Variants in TRMT11 observed in about 807,000 individuals in gnomAD.
TRMT11 encodes tRNA (guanine(10)-N(2))-methyltransferase TRMT11.
A neutral mutation model predicts 62.8 loss-of-function variants in TRMT11; 53 were observed. That is an observed-to-expected ratio of 0.84 (90% confidence interval 0.68 to 1.06). The LOEUF is 1.06. Among genes scored for constraint, TRMT11 ranks in the 50% least tolerant of loss-of-function variants. TRMT11 has a pLI of 0.00. For missense variants in TRMT11, 556 were observed against 553.4 expected (o/e 1.00, Z -0.05); for synonymous variants, 188 against 190.3 (o/e 0.99, Z 0.10).
At chr6:126,239,945 C>T in the TRMT11 span, among the ~76,000 whole-genome samples, 254 of 152,202 alleles carry the variant, frequency 1.7e-3, 1 homozygote, top group African/African-American at 5.8e-3. Context: ...CTTCTTGCTT[C>T]ATTTCATTCA....
intron 11 of TRMT11, among the ~76,000 whole-genome samples, chr6:126,016,328 A>G (rs919550478): frequency 2.0e-5 from 3 of 152,124 alleles, no homozygotes; most frequent in Non-Finnish European, 4.4e-5. Flanking sequence ...TTGTTGCTCA[A>G]ATTGTCCCAG....
chr6:126,070,978 A>G (rs1193852457), intron 17 of TRMT11, among the ~76,000 whole-genome samples: 1 of 152,190 alleles, frequency 6.6e-6, no homozygotes, highest in African/African-American at 2.4e-5. Flanking sequence ...GGAGAATGAA[A>G]GAAAAGGTCA....
At chr6:126,243,870 C>T in the TRMT11 span, among the ~76,000 whole-genome samples, 8 of 151,874 alleles carry the variant, frequency 5.3e-5, no homozygotes, top group Admixed American at 5.2e-4. Context: ...CAACATGGCA[C>T]ATGTATACAT....
At chr6:126,062,696 C>CTTAG (rs111684262) in intron 17 of TRMT11, among the ~76,000 whole-genome samples, 17,653 of 152,030 alleles carry the variant, frequency 0.12, 3,301 homozygotes, top group African/African-American at 0.4. Context: ...AAAGATATTA[C>CTTAG]TTGACAGGTT....
At chr6:126,027,791 A>G (rs902385783) in intron 12 of TRMT11, among the ~76,000 whole-genome samples, 3 of 152,208 alleles carry the variant, frequency 2.0e-5, no homozygotes, top group Non-Finnish European at 4.4e-5. Flanking sequence ...ATTAATCATA[A>G]TGGAGTGTGG....
At chr6:126,206,490 CTGT>C (rs1200532364), downstream of TRMT11, among the ~76,000 whole-genome samples, 1 of 152,200 alleles carries the variant, frequency 6.6e-6, no homozygotes, top group East Asian at 1.9e-4. Flanking sequence ...AGCACAAGCA[CTGT>C]TTAGTTATCT....
chr6:126,093,585 GTATATATATATATATATATA>G (rs56176946), intron 17 of TRMT11, among the ~76,000 whole-genome samples: 1,751 of 46,704 alleles, frequency 0.037, 138 homozygotes, highest in Non-Finnish European at 0.049. Flanking sequence ...GGATATGTAT[GTATATATATATATATATATA>G]TATATATATA....
chr6:126,265,066 T>G, the TRMT11 span, among the ~76,000 whole-genome samples: 2 of 152,156 alleles, frequency 1.3e-5, no homozygotes, highest in African/African-American at 4.8e-5. Context: ...GCTTACTGAG[T>G]TGTAATTCAA....
intron 17 of TRMT11, among the ~76,000 whole-genome samples, chr6:126,076,433 T>C (rs1388621777): frequency 2.6e-5 from 4 of 152,198 alleles, no homozygotes. Flanking sequence ...AGAGATAATT[T>C]GGATGGCATT....
intron 1 of TRMT11, among the ~76,000 whole-genome samples, chr6:125,990,381 G>A (rs931669007): frequency 2.3e-4 from 35 of 152,312 alleles, no homozygotes; most frequent in African/African-American, 7.7e-4. Flanking sequence ...CTCACAGAGT[G>A]TAGCTTTTTG....
chr6:126,166,719 C>T (rs1029671097), intron 21 of TRMT11, among the ~76,000 whole-genome samples: 1 of 152,204 alleles, frequency 6.6e-6, no homozygotes, highest in African/African-American at 2.4e-5. Context: ...AGAGCTGCCC[C>T]TTCCCCCAGG....
chr6:126,036,470 T>G (rs933982277), intron 12 of TRMT11, among the ~76,000 whole-genome samples: 2 of 151,936 alleles, frequency 1.3e-5, no homozygotes, highest in Non-Finnish European at 2.9e-5. Context: ...GTTGGAGTTA[T>G]GAGTGGAGAG....
chr6:126,078,968 T>C lies in TRMT11; in HGVS notation c.*1437+25778T>C, dbSNP rs151228782. ...ACATTCAATTCTCATGATAACCCTTTCGGGGGGAAATAGTATTTATGTCTT... is the reference window on the plus strand; with the variant it reads ...ACATTCAATTCTCATGATAACCCTTCCGGGGGGAAATAGTATTTATGTCTT... On this transcript the variant is annotated intron_variant and NMD_transcript_variant, in intron 17 of 22. Transcript: ENST00000648977. 3.2e-4 allele frequency among the ~76,000 whole-genome samples: 49 copies of C among 152,318 alleles called. 2 individuals are homozygous for C. The East Asian group carries it at 9.1e-3, about 28-fold the overall frequency.
At chr6:126,085,910 T>G (rs1016619339) in intron 17 of TRMT11, among the ~76,000 whole-genome samples, 4 of 152,166 alleles carry the variant, frequency 2.6e-5, no homozygotes. Flanking sequence ...GTGGAGATGA[T>G]GCATGTGTGG....
intron 7 of TRMT11, among the ~76,000 whole-genome samples, chr6:126,004,454 C>T (rs934014997): frequency 6.6e-6 from 1 of 152,024 alleles, no homozygotes; most frequent in Non-Finnish European, 1.5e-5. Context: ...AGCTTTAGGA[C>T]ATCAGTCAAT....
At chr6:126,056,670 G>A (rs1776383460) in intron 17 of TRMT11, among the ~76,000 whole-genome samples, 1 of 152,168 alleles carries the variant, frequency 6.6e-6, no homozygotes, top group Admixed American at 6.5e-5. Flanking sequence ...ACAGACTGCT[G>A]TAAGGCTATT....
At chr6:125,989,112 G>A (rs1014671553) in intron 1 of TRMT11, among the ~76,000 whole-genome samples, 1 of 151,276 alleles carries the variant, frequency 6.6e-6, no homozygotes, top group Non-Finnish European at 1.5e-5. Flanking sequence ...ACCATTCTAA[G>A]GAGTTTGGAT....
the TRMT11 span, among the ~76,000 whole-genome samples, chr6:126,222,920 A>G: frequency 5.3e-5 from 8 of 151,372 alleles, no homozygotes; most frequent in African/African-American, 1.9e-4. Flanking sequence ...TATAGTGTCA[A>G]TGGTCTATGT....
chr6:125,994,406 G>T (rs1319520441), intron 2 of TRMT11, among the ~76,000 whole-genome samples: 3 of 149,996 alleles, frequency 2.0e-5, no homozygotes, highest in Non-Finnish European at 3.0e-5. Flanking sequence ...GGCCTAAGTT[G>T]TTACTTGGCC....
Sources: gnomAD v4.1 joint callset for allele counts (sites outside exome capture counted in the v4.1 genomes callset) on GRCh38, gnomAD v4.1.1 for gene constraint, MANE v1.5 for transcripts, NCBI Gene and HGNC (gene_info 2026-07-23, HGNC 2026-07-21) for gene names.